AR: variants seen among roughly 807,000 people sequenced by gnomAD.
AR encodes androgen receptor.
Under a neutral mutation model 53.9 loss-of-function variants are expected in AR, and 8 were observed. The observed-to-expected ratio is 0.15, with a 90% CI of 0.09 to 0.27. The LOEUF is 0.27. AR is among the 10% of genes least tolerant of loss of function. AR has a pLI of 1.00. For missense variants in AR, 639 were observed against 742.5 expected, an observed-to-expected ratio of 0.86 and a Z score of 1.62; for synonymous variants, 359 against 316.4, an observed-to-expected ratio of 1.13 and a Z score of -1.43.
intron 1 of AR, among the ~76,000 whole-genome samples, chrX:67,624,904 CAAAA>C (rs140323582): frequency 6.0e-3 from 109 of 18,119 alleles, no homozygotes; most frequent in African/African-American, 0.039. Flanking sequence ...GGCAATTAGG[CAAAA>C]AAAAAAAAAA....
At chrX:67,679,740 T>G (rs2075921987) in intron 2 of AR, among the ~76,000 whole-genome samples, 1 of 112,108 alleles carries the variant, frequency 8.9e-6, no homozygotes, top group South Asian at 3.7e-4. Context: ...TACTTCTAAC[T>G]GCTTTCTCCT....
At position 67,609,191 on chromosome X, in the gene AR, T is replaced by C. The variant is rs753403931; in HGVS notation, c.1617-34065T>C. Reference sequence around the variant, plus strand: ...TTATTTTTTAAATATTTTATATAACTTGACGGTGAATATACCTATGTACAT... The same window carrying C: ...TTATTTTTTAAATATTTTATATAACCTGACGGTGAATATACCTATGTACAT... On this transcript the variant is annotated intron_variant, in intron 1 of 7. Transcript: ENST00000374690. Among the ~76,000 whole-genome samples the C allele has an allele frequency of 7.2e-5, 8 of 111,561 alleles. No individual in the cohort carries two copies. In the East Asian group the frequency reaches 2.2e-3, roughly 31 times the overall value.
intron 2 of AR, among the ~76,000 whole-genome samples, chrX:67,684,467 C>T (rs1166776344): frequency 1.8e-5 from 2 of 111,043 alleles, no homozygotes; most frequent in African/African-American, 3.3e-5. Flanking sequence ...TGGGGGCCTC[C>T]GATTCAGTGT....
chrX:67,696,670 C>T (rs778417401), intron 3 of AR, among the ~76,000 whole-genome samples: 1 of 111,330 alleles, frequency 9.0e-6, no homozygotes, highest in East Asian at 2.8e-4. Flanking sequence ...GCCTTCTTGC[C>T]TGGGGGAATT....
intron 1 of AR, among the ~76,000 whole-genome samples, chrX:67,615,261 C>T (rs541879254): frequency 4.5e-5 from 5 of 110,492 alleles, no homozygotes; most frequent in East Asian, 2.8e-4. Context: ...GAAAATGTAA[C>T]GATATTGATA....
At chrX:67,661,355 A>G (rs1926905425) in intron 2 of AR, among the ~76,000 whole-genome samples, 1 of 111,216 alleles carries the variant, frequency 9.0e-6, no homozygotes, top group Admixed American at 9.6e-5. Context: ...TGGGTTTGTC[A>G]TAGATAGCTC....
At chrX:67,701,738 T>G (rs2076043467) in intron 3 of AR, among the ~76,000 whole-genome samples, 1 of 111,256 alleles carries the variant, frequency 9.0e-6, no homozygotes, top group South Asian at 3.8e-4. Flanking sequence ...GTATTGCCTA[T>G]GTAGAGCCTG....
intron 6 of AR, among the ~76,000 whole-genome samples, chrX:67,722,416 A>T (rs1459329157): frequency 1.8e-5 from 2 of 111,855 alleles, no homozygotes; most frequent in African/African-American, 3.3e-5. Context: ...CAGCCAAGGA[A>T]CTTTTCTTTA....
chrX:67,560,767 T>A (rs1921263897), intron 1 of AR, among the ~76,000 whole-genome samples: 1 of 111,636 alleles, frequency 9.0e-6, no homozygotes, highest in African/African-American at 3.3e-5. Flanking sequence ...ATTTTTCTTA[T>A]AATCCCTTTG....
At chrX:67,578,607 A>G (rs1175833169) in intron 1 of AR, among the ~76,000 whole-genome samples, 1 of 111,485 alleles carries the variant, frequency 9.0e-6, no homozygotes, top group Non-Finnish European at 1.9e-5. Context: ...CTGAGTCTTT[A>G]TTGGTGATAT....
chrX:67,681,355 G>C (rs2075932779), intron 2 of AR, among the ~76,000 whole-genome samples: 1 of 111,619 alleles, frequency 9.0e-6, no homozygotes, highest in Non-Finnish European at 1.9e-5. Flanking sequence ...ACAGTTCTCT[G>C]TCACTTGAAT....
At chrX:67,691,303 A>G (rs778335005) in intron 3 of AR, among the ~76,000 whole-genome samples, 1 of 112,371 alleles carries the variant, frequency 8.9e-6, no homozygotes, top group South Asian at 3.7e-4. Flanking sequence ...CCTCATACCA[A>G]AAGCCAGTTT....
At chrX:67,699,744 A>G (rs976499918) in intron 3 of AR, among the ~76,000 whole-genome samples, 1 of 111,112 alleles carries the variant, frequency 9.0e-6, no homozygotes, top group Non-Finnish European at 1.9e-5. Context: ...ATAGTGAGAT[A>G]GGGAGAACAG....
chrX:67,620,738 G>A (rs1436930105), intron 1 of AR, among the ~76,000 whole-genome samples: 4 of 111,251 alleles, frequency 3.6e-5, no homozygotes, highest in Non-Finnish European at 7.5e-5. Context: ...AGTCTCATTT[G>A]CCTCAACTGT....
At chrX:67,678,435 G>A (rs2075913472) in intron 2 of AR, among the ~76,000 whole-genome samples, 1 of 112,003 alleles carries the variant, frequency 8.9e-6, no homozygotes, top group Admixed American at 9.5e-5. Flanking sequence ...TTAGCATAAT[G>A]TCTTCCAGCA....
Position 67,593,308 on chromosome X carries a change from G to A in AR, c.1616+46546G>A, listed in dbSNP as rs1211651514. Reference sequence around the variant, plus strand: ...AATTTCTGAACTTCTTAAAATGGCCGCTTTGGGTTGGTGTCAGTAATTCAG... The same window carrying A: ...AATTTCTGAACTTCTTAAAATGGCCACTTTGGGTTGGTGTCAGTAATTCAG... On this transcript the variant is annotated intron_variant, in intron 1 of 7. Coordinates refer to ENST00000374690, the MANE Select transcript of AR (RefSeq NM_000044.6). Among the ~76,000 whole-genome samples the A allele has an allele frequency of 4.6e-5, 5 of 108,823 alleles. No individual in the cohort carries two copies. In the East Asian group the frequency reaches 1.1e-3, roughly 25 times the overall value. The allele number at this position is 108,823 out of a possible 115,157, so 94.5% of individuals were successfully genotyped here.
chrX:67,629,556 C>A (rs1340337352), intron 1 of AR, among the ~76,000 whole-genome samples: 11 of 109,486 alleles, frequency 1.0e-4, no homozygotes, highest in Non-Finnish European at 2.1e-4. Context: ...TGCTAGCAGT[C>A]TATCAATTTT....
At chrX:67,630,424 G>T (rs1169725172) in intron 1 of AR, among the ~76,000 whole-genome samples, 7 of 110,836 alleles carry the variant, frequency 6.3e-5, no homozygotes, top group Non-Finnish European at 1.3e-4. Flanking sequence ...ATCTTTGTTG[G>T]TTTAAAGTCT....
intron 1 of AR, among the ~76,000 whole-genome samples, chrX:67,576,199 C>T (rs951928347): frequency 5.4e-5 from 6 of 110,913 alleles, no homozygotes; most frequent in African/African-American, 2.0e-4. Flanking sequence ...AGGAAGTCCT[C>T]ACGGAGAGCT....
Sources: allele counts gnomAD v4.1 joint callset (sites outside exome capture counted in the v4.1 genomes callset), GRCh38; gene constraint gnomAD v4.1.1; transcripts MANE v1.5; gene names NCBI Gene and HGNC (gene_info 2026-07-23, HGNC 2026-07-21).